USP47: variants seen among roughly 807,000 people sequenced by gnomAD.
USP47 encodes ubiquitin carboxyl-terminal hydrolase 47.
USP47 carries 35 observed loss-of-function variants against 165.1 expected under a neutral mutation model. The ratio of observed to expected loss-of-function variants is 0.21; its 90% confidence interval spans 0.16 to 0.28. The LOEUF is 0.28. USP47 is among the 10% of genes least tolerant of loss of function. The probability of loss-of-function intolerance (pLI) is 1.00; values close to 1 mark genes in which losing one functional copy is unlikely to be tolerated. For missense variants in USP47, 1,277 were observed against 1,607.4 expected, an observed-to-expected ratio of 0.79 and a Z score of 3.52; for synonymous variants, 531 against 544.5, an observed-to-expected ratio of 0.98 and a Z score of 0.35.
chr11:11,946,965 T>G (rs1855886859), intron 20 of USP47, among the ~76,000 whole-genome samples: 1 of 152,204 alleles, frequency 6.6e-6, no homozygotes, highest in African/African-American at 2.4e-5. Flanking sequence ...GAATGTTGGT[T>G]TACCAGGAGT....
At chr11:11,900,261 GT>G (rs1852128045) in intron 5 of USP47, among the ~76,000 whole-genome samples, 1 of 145,540 alleles carries the variant, frequency 6.9e-6, no homozygotes, top group Non-Finnish European at 1.5e-5. Context: ...TGGGGTTCAT[GT>G]TCATTCTCCT....
Position 11,877,445 on chromosome 11 carries a change from C to T in USP47, c.40-2732C>T, listed in dbSNP as rs571999488. 9.9e-4 allele frequency among the ~76,000 whole-genome samples: 151 copies of T among 152,156 alleles called. 10 individuals are homozygous for T. The South Asian group carries it at 0.03, about 30-fold the overall frequency. On this transcript the variant is annotated intron_variant, in intron 1 of 27. Transcript: ENST00000527733. ...GCTTTTTATCTGTTTAAATCATCCA[C>T]AACAGAATTCAAGAGTAAAATGTAA...
intron 1 of USP47, among the ~76,000 whole-genome samples, chr11:11,847,785 G>C (rs1480803516): frequency 6.6e-6 from 1 of 152,086 alleles, no homozygotes; most frequent in African/African-American, 2.4e-5. Flanking sequence ...CCCCACAACT[G>C]CCAGGGTTAC....
In USP47 at chr11:11,893,829, C is replaced by T. The variant is rs142784985; in HGVS notation, c.496+1723C>T. ...GGATTACAGGTAGAAGCCATGGTGC[C>T]CAACTCCAGGTTTTGTTTTAATGTC... On this transcript the variant is annotated intron_variant, in intron 4 of 27. Transcript: ENST00000527733. Among the ~76,000 whole-genome samples, 769 of 152,264 alleles carry T rather than the reference C, an allele frequency of 5.1e-3. 10 individuals are homozygous for T. Among genetic ancestry groups the T allele is most frequent in the African/African-American group, 0.018 (738 of 41,536 alleles).
At chr11:11,859,586 C>T (rs1029818945) in intron 1 of USP47, among the ~76,000 whole-genome samples, 1 of 152,052 alleles carries the variant, frequency 6.6e-6, no homozygotes, top group Non-Finnish European at 1.5e-5. Flanking sequence ...TGCAGATGTT[C>T]CTCATCTGAT....
At chr11:11,842,733 T>C (rs1364694433) in intron 1 of USP47, among the ~76,000 whole-genome samples, 1 of 152,178 alleles carries the variant, frequency 6.6e-6, no homozygotes, top group Non-Finnish European at 1.5e-5. Context: ...GGTAGTACTA[T>C]TGGCCTGCCT....
chr11:11,925,264 C>T (rs1407186246), intron 11 of USP47, among the ~76,000 whole-genome samples: 2 of 151,936 alleles, frequency 1.3e-5, no homozygotes, highest in African/African-American at 2.4e-5. Flanking sequence ...CCGGCCACCA[C>T]GCCCAGCTAA....
At chr11:11,872,560 G>A (rs1336975806) in intron 1 of USP47, among the ~76,000 whole-genome samples, 1 of 152,142 alleles carries the variant, frequency 6.6e-6, no homozygotes, top group Non-Finnish European at 1.5e-5. Context: ...AATATTCCAG[G>A]TACATGGTAC....
At position 11,936,406 on chromosome 11, in the gene USP47, C is replaced by T. The variant is rs1359047924; in HGVS notation, c.1973C>T (p.Thr658Ile). The T allele has an allele frequency of 3.1e-6, 5 of 1,610,250 alleles. No individual in the cohort carries two copies. The Admixed American group carries it at 8.4e-5, about 27-fold the overall frequency. Residue 658 changes from threonine (T) to isoleucine (I), a missense_variant, in exon 17 of 28, where the codon ACA (threonine) becomes ATA (isoleucine). This residue lies in a region of USP47 where 909 missense variants were observed against 1,068.1 expected (regional missense o/e 0.85). Transcript: ENST00000527733. ...LERSYEGEED[T>I]PMGLLLGGVK... ...CGGTCATATGAAGGAGAAGAAGATACACCAATGGGGCTTCTACTAGGTGGC... is the reference window on the plus strand; with the variant it reads ...CGGTCATATGAAGGAGAAGAAGATATACCAATGGGGCTTCTACTAGGTGGC...
At chr11:11,941,325 G>A (rs1855453828) in intron 19 of USP47, among the ~76,000 whole-genome samples, 1 of 80,430 alleles carries the variant, frequency 1.2e-5, no homozygotes. Flanking sequence ...TTTAGGGTAA[G>A]AAGTGCAGTA....
chr11:11,853,262 A>G (rs1299823383), intron 1 of USP47, among the ~76,000 whole-genome samples: 1 of 152,238 alleles, frequency 6.6e-6, no homozygotes, highest in African/African-American at 2.4e-5. Flanking sequence ...AAAGTTCCAA[A>G]AGACATCTAC....
At chr11:11,857,970 T>G (rs1849152179) in intron 1 of USP47, among the ~76,000 whole-genome samples, 1 of 152,012 alleles carries the variant, frequency 6.6e-6, no homozygotes, top group Non-Finnish European at 1.5e-5. Context: ...AGAGTGACCT[T>G]TGTAGCTTCA....
At chr11:11,896,928 T>C (rs1279633965) in intron 4 of USP47, among the ~76,000 whole-genome samples, 1 of 151,970 alleles carries the variant, frequency 6.6e-6, no homozygotes, top group East Asian at 1.9e-4. Flanking sequence ...ATGCTTGGTC[T>C]TTTCTTGGAA....
intron 8 of USP47, among the ~76,000 whole-genome samples, chr11:11,911,327 A>T (rs1313584992): frequency 6.6e-6 from 1 of 152,198 alleles, no homozygotes; most frequent in Non-Finnish European, 1.5e-5. Flanking sequence ...GGAGATTAAT[A>T]AGGAAAAAGA....
intron 5 of USP47, among the ~76,000 whole-genome samples, chr11:11,898,062 T>G (rs1475785119): frequency 6.6e-6 from 1 of 151,452 alleles, no homozygotes; most frequent in Admixed American, 6.6e-5. Flanking sequence ...GTATCCAAAG[T>G]TTTTTTTTAA....
intron 4 of USP47, among the ~76,000 whole-genome samples, chr11:11,893,637 G>T (rs1851680244): frequency 6.6e-6 from 1 of 151,948 alleles, no homozygotes; most frequent in African/African-American, 2.4e-5. Flanking sequence ...TCACTATGTT[G>T]CCCAGGCTAG....
At chr11:11,894,859 A>G (rs1851750341) in intron 4 of USP47, among the ~76,000 whole-genome samples, 1 of 152,200 alleles carries the variant, frequency 6.6e-6, no homozygotes, top group Admixed American at 6.5e-5. Context: ...AAAATAATTT[A>G]CAGTACTACT....
Position 11,902,864 on chromosome 11 carries a change from C to A in USP47, c.739+4C>A. ...TTTGGATGGGATAGTAGTGAGGGTA[C>A]TAATTCTCTTGTAATGATAAGCGTT... is the stretch of plus-strand genomic sequence containing the variant. On this transcript the variant is annotated splice_donor_region_variant and intron_variant, in intron 6 of 27. Transcript: ENST00000527733. 1 of 1,556,950 alleles carries A rather than the reference C, an allele frequency of 6.4e-7. No homozygotes were observed. Among genetic ancestry groups the A allele is most frequent in the Non-Finnish European group, 8.6e-7 (1 of 1,157,092 alleles).
rs371373738 is a variant in USP47, at chr11:11,876,072, G to A, written c.40-4105G>A. ...AGTGTAATATTGCTATGAGTTGCCT[G>A]TAAAATAAATAGTTTCAACTTTAGG... On this transcript the variant is annotated intron_variant, in intron 1 of 27. Coordinates refer to ENST00000527733, the MANE Select transcript of USP47 (RefSeq NM_001282659.2). 5.0e-4 allele frequency among the ~76,000 whole-genome samples: 76 copies of A among 152,290 alleles called. No homozygotes were observed. In the South Asian group the frequency reaches 8.9e-3, roughly 18 times the overall value.
Sources: gnomAD v4.1 joint callset for allele counts (sites outside exome capture counted in the v4.1 genomes callset) on GRCh38, gnomAD v4.1.1 for gene constraint, gnomAD v4.1.1 regional missense constraint, MANE v1.5 for transcripts, NCBI Gene and HGNC (gene_info 2026-07-23, HGNC 2026-07-21) for gene names.